UCK2: variants seen among roughly 807,000 people sequenced by gnomAD.
The protein encoded by UCK2 is cytidine monophosphokinase 2.
A neutral mutation model predicts 30.8 loss-of-function variants in UCK2; 6 were observed. The ratio of observed to expected loss-of-function variants is 0.19; its 90% CI spans 0.11 to 0.38. The LOEUF (loss-of-function observed/expected upper bound fraction) is 0.38. Among genes scored for constraint, UCK2 ranks in the 10% least tolerant of loss-of-function variants. The probability of loss-of-function intolerance (pLI) is 1.00; values close to 1 mark genes in which losing one functional copy is unlikely to be tolerated. For synonymous variants in UCK2, 125 were observed against 133.6 expected, an observed-to-expected ratio of 0.94 and a Z score of 0.45; for missense variants, 210 against 339.8, an observed-to-expected ratio of 0.62 and a Z score of 3.00.
chr1:165,844,976 G>A (rs1471856565), intron 1 of UCK2, among the ~76,000 whole-genome samples: 1 of 152,106 alleles, frequency 6.6e-6, no homozygotes, highest in Non-Finnish European at 1.5e-5. Context: ...ATAAGTAAGT[G>A]TTTCTTTGAG....
Position 165,877,614 on chromosome 1 carries a change from G to A in UCK2, c.100-12590G>A, listed in dbSNP as rs75112978. 2.0e-5 allele frequency among the ~76,000 whole-genome samples: 3 copies of A among 152,338 alleles called. No homozygotes were observed. The East Asian group carries it at 5.8e-4, about 29-fold the overall frequency. ...TCAGCAGTCATTCGTTTTTATTGCT[G>A]AGTAATAGTCCATTGTATGGATATA... On this transcript the variant is annotated intron_variant, in intron 1 of 6. Coordinates refer to ENST00000367879, the MANE Select transcript of UCK2 (RefSeq NM_012474.5).
intron 3 of UCK2, 119 bp downstream of exon 3, chr1:165,891,441 A>C: frequency 1.2e-6 from 1 of 850,924 alleles, no homozygotes; most frequent in Non-Finnish European, 1.9e-6. Context: ...CCCCTGCCTA[A>C]TGCCATTCCA....
intron 1 of UCK2, among the ~76,000 whole-genome samples, chr1:165,846,403 T>C (rs929075551): frequency 2.0e-5 from 3 of 152,226 alleles, no homozygotes; most frequent in Admixed American, 6.5e-5. Flanking sequence ...TTTCCTAGTT[T>C]CTATAACTGT....
intron 1 of UCK2, among the ~76,000 whole-genome samples, chr1:165,873,023 G>T (rs1172027355): frequency 6.6e-6 from 1 of 152,150 alleles, no homozygotes; most frequent in Non-Finnish European, 1.5e-5. Flanking sequence ...AGATCAAGTG[G>T]AGTAAGATAT....
chr1:165,836,762 C>T (rs902836056), intron 1 of UCK2, among the ~76,000 whole-genome samples: 6 of 152,184 alleles, frequency 3.9e-5, no homozygotes, highest in African/African-American at 1.4e-4. Flanking sequence ...AGGAAGTTTT[C>T]ATGTACCCTA....
chr1:165,881,353 G>GT (rs879446220), intron 1 of UCK2, among the ~76,000 whole-genome samples: 41 of 151,564 alleles, frequency 2.7e-4, no homozygotes, highest in African/African-American at 6.1e-4. Flanking sequence ...CTTACTCAGG[G>GT]TTTTTTTTTG....
In UCK2 at chr1:165,828,076, T is replaced by A. The variant is rs144847503; in HGVS notation, c.99+144T>A. ...CTCCCGGCCGCGCTCCAGCGCCGAG[T>A]GCGCCCCGCGCGGCCTGGGGGCGCT... is the stretch of plus-strand genomic sequence containing the variant. On this transcript the variant is annotated intron_variant, in intron 1 of 6. Coordinates refer to ENST00000367879, the MANE Select transcript of UCK2 (RefSeq NM_012474.5). 9.7e-4 allele frequency: 399 copies of A among 410,926 alleles called. 10 individuals are homozygous for A. In the Admixed American group the frequency reaches 0.015, roughly 15 times the overall value. The allele number at this position is 410,926 out of a possible 1,614,324, so 25.5% of individuals were successfully genotyped here.
At chr1:165,904,779 G>T (rs1185803141) in intron 5 of UCK2, among the ~76,000 whole-genome samples, 2 of 152,190 alleles carry the variant, frequency 1.3e-5, no homozygotes, top group African/African-American at 4.8e-5. Flanking sequence ...ATGCCCACAT[G>T]CTTGAGGTGT....
intron 1 of UCK2, among the ~76,000 whole-genome samples, chr1:165,844,563 A>G (rs1413113557): frequency 6.6e-6 from 1 of 152,128 alleles, no homozygotes; most frequent in East Asian, 1.9e-4. Flanking sequence ...TTGTTCTAAC[A>G]AGATAACTGT....
In UCK2 at chr1:165,911,123, C is replaced by T. The variant is rs902784387; in HGVS notation, c.*3300C>T. 8 of 152,252 alleles carry T rather than the reference C, an allele frequency of 5.3e-5. No individual in the cohort carries two copies. The highest frequency in any genetic ancestry group is 1.9e-4 in the African/African-American group (8 of 41,420). The allele number at this position is 152,252 out of a possible 1,614,324, so 9.4% of individuals were successfully genotyped here. ...CCCCTGCCCTGGAATCTCCTATGTGCCTGTTAAAGATTCCAGGGCCAAGAA... is the reference window on the plus strand; with the variant it reads ...CCCCTGCCCTGGAATCTCCTATGTGTCTGTTAAAGATTCCAGGGCCAAGAA... On this transcript the variant is annotated 3_prime_UTR_variant, in exon 7 of 7. Coordinates refer to ENST00000367879, the MANE Select transcript of UCK2 (RefSeq NM_012474.5).
At chr1:165,880,566 G>GTGT (rs1557843943) in intron 1 of UCK2, among the ~76,000 whole-genome samples, 512 of 19,352 alleles carry the variant, frequency 0.026, 14 homozygotes, top group East Asian at 0.074. Context: ...TTTTTTTGGG[G>GTGT]GTGTGTGTGT....
At position 165,896,316 on chromosome 1, in the gene UCK2, C is replaced by T; in HGVS notation, c.483C>T (p.Thr161=). 1 of 1,614,090 alleles carries T rather than the reference C, an allele frequency of 6.2e-7. No individual in the cohort carries two copies. Residue 161 remains threonine, a synonymous_variant, in exon 4 of 7, where the codon ACC becomes ACT. Transcript: ENST00000367879. ...TTTTTGTGGATACAGATGCGGACAC[C>T]CGGCTCTCACGCAGAGGTGCGTTCT... The part of the protein sequence containing the change: ...MKLFVDTDAD[T]RLSRRVLRDI...
chr1:165,855,038 C>A (rs1333362157), intron 1 of UCK2, among the ~76,000 whole-genome samples: 1 of 152,206 alleles, frequency 6.6e-6, no homozygotes, highest in African/African-American at 2.4e-5. Context: ...AAGTAGCTCA[C>A]TGGGGGAAAA....
chr1:165,895,235 A>G (rs1281623160), intron 3 of UCK2, among the ~76,000 whole-genome samples: 2 of 152,080 alleles, frequency 1.3e-5, no homozygotes, highest in African/African-American at 4.8e-5. Flanking sequence ...GCAATATGGT[A>G]AAACCCCGTT....
At chr1:165,876,017 A>G (rs765930996) in intron 1 of UCK2, among the ~76,000 whole-genome samples, 1 of 152,216 alleles carries the variant, frequency 6.6e-6, no homozygotes, top group Non-Finnish European at 1.5e-5. Context: ...ACCCAACATT[A>G]TCACAAAAGA....
chr1:165,859,694 G>A (rs1397969062), intron 1 of UCK2, among the ~76,000 whole-genome samples: 1 of 152,132 alleles, frequency 6.6e-6, no homozygotes, highest in African/African-American at 2.4e-5. Flanking sequence ...GGGTGTGGTG[G>A]TGCATGCCTG....
At chr1:165,905,308 C>A (rs904278227) in intron 5 of UCK2, among the ~76,000 whole-genome samples, 4 of 152,012 alleles carry the variant, frequency 2.6e-5, no homozygotes, top group African/African-American at 9.7e-5. Context: ...CATGGCGATA[C>A]CCCCTCTCTA....
chr1:165,905,733 T>C (rs1410966396), intron 5 of UCK2, among the ~76,000 whole-genome samples, 188 bp from the exon 6 acceptor site: 1 of 152,168 alleles, frequency 6.6e-6, no homozygotes, highest in East Asian at 1.9e-4. Flanking sequence ...TCCTTAGGTT[T>C]CCCCAAATTT....
At chr1:165,859,620 G>A (rs1654844112) in intron 1 of UCK2, among the ~76,000 whole-genome samples, 1 of 152,050 alleles carries the variant, frequency 6.6e-6, no homozygotes, top group South Asian at 2.1e-4. Flanking sequence ...CCGGGAGTTT[G>A]AGAACATCCT....
Sources: allele counts gnomAD v4.1 joint callset (sites outside exome capture counted in the v4.1 genomes callset), GRCh38; gene constraint gnomAD v4.1.1; transcripts MANE v1.5; gene names NCBI Gene and HGNC (gene_info 2026-07-23, HGNC 2026-07-21).